LSAMP: variants seen among roughly 807,000 people sequenced by gnomAD.
LSAMP encodes the protein limbic system-associated membrane protein.
Under a neutral mutation model 38.6 loss-of-function variants are expected in LSAMP, and 7 were observed. That is an observed-to-expected ratio of 0.18 (90% CI 0.10 to 0.34). LSAMP has a LOEUF of 0.34. Among genes scored for constraint, LSAMP ranks in the 10% least tolerant of loss-of-function variants. The probability of loss-of-function intolerance (pLI) is 1.00; values close to 1 mark genes in which losing one functional copy is unlikely to be tolerated. For synonymous variants in LSAMP, 154 were observed against 166.8 expected, an observed-to-expected ratio of 0.92 and a Z score of 0.59; for missense variants, 313 against 420.0, an observed-to-expected ratio of 0.75 and a Z score of 2.23.
chr3:116,205,901 A>G lies in LSAMP; in HGVS notation c.156-119345T>C, dbSNP rs1411925174. On this transcript the variant is annotated intron_variant, in intron 1 of 6. Transcript: ENST00000490035. ...TGTCTCTGCCTGGCTTTGGTATCAG[A>G]ATGATGCTGGCCTCATAAAATGAGT... Among the ~76,000 whole-genome samples the G allele has an allele frequency of 2.1e-4, 29 of 137,448 alleles. No homozygotes were observed. The East Asian group carries it at 2.7e-3, about 13-fold the overall frequency. The allele number at this position is 137,448 out of a possible 152,430, so 90.2% of individuals were successfully genotyped here.
chr3:116,150,058 T>C (rs1384450701), intron 1 of LSAMP, among the ~76,000 whole-genome samples: 1 of 152,086 alleles, frequency 6.6e-6, no homozygotes, highest in Non-Finnish European at 1.5e-5. Flanking sequence ...TGGAACAGAA[T>C]GTACAAAGCT....
rs539198663 is a variant in LSAMP at position 116,287,784 on chromosome 3, A to C, written c.155+157093T>G. The stretch of plus-strand genomic sequence containing the variant: ...TCCAGTTTGATCATTTCATGCTCCA[A>C]TCATTAACCTCACAATGCAGATTTC... On this transcript the variant is annotated intron_variant, in intron 1 of 6. Transcript: ENST00000490035. 6.4e-4 allele frequency among the ~76,000 whole-genome samples: 98 copies of C among 152,286 alleles called. 1 individual carries two copies. Among genetic ancestry groups the C allele is most frequent in the South Asian group, 6.2e-4 (3 of 4,820 alleles).
intron 3 of LSAMP, among the ~76,000 whole-genome samples, chr3:116,005,457 C>T (rs1940129036): frequency 6.6e-6 from 1 of 152,178 alleles, no homozygotes; most frequent in African/African-American, 2.4e-5. Context: ...TTATGGGTTA[C>T]TCCTGCTGCC....
intron 3 of LSAMP, among the ~76,000 whole-genome samples, chr3:115,878,736 A>G (rs2107422456): frequency 6.6e-6 from 1 of 152,186 alleles, no homozygotes. Flanking sequence ...TGCTGGGATT[A>G]CAGGCGTGAG....
chr3:116,282,421 A>AGTCT (rs1159225583), intron 1 of LSAMP, among the ~76,000 whole-genome samples: 1 of 152,234 alleles, frequency 6.6e-6, no homozygotes, highest in Admixed American at 6.5e-5. Context: ...AACTGACATC[A>AGTCT]GTCTGTCATT....
rs953727485 is a variant in LSAMP at position 116,086,493 on chromosome 3, A to G, written c.219T>C (p.Ala73=). 1 of 1,614,174 alleles carries G rather than the reference A, an allele frequency of 6.2e-7. No homozygotes were observed. Among genetic ancestry groups the G allele is most frequent in the Non-Finnish European group, 8.5e-7 (1 of 1,180,026 alleles). The change falls in exon 2 of 7, where the codon GCT becomes GCC. Residue 73 remains alanine (A), a synonymous_variant. Transcript: ENST00000490035. ...GGTCCAGAGACCACTTGTCATGTCC[A>G]GCAAAAATGATGCCAGAACGGTTCA... is the stretch of plus-strand genomic sequence containing the variant. ...AWLNRSGIIF[A]GHDKWSLDPR...
intron 1 of LSAMP, among the ~76,000 whole-genome samples, chr3:116,343,226 AC>A (rs1358922482): frequency 6.6e-6 from 1 of 151,908 alleles, no homozygotes; most frequent in Non-Finnish European, 1.5e-5. Flanking sequence ...CTCAGGGGAA[AC>A]TTTAAAAAGT....
At chr3:116,005,705 A>G (rs1940138496) in intron 3 of LSAMP, among the ~76,000 whole-genome samples, 1 of 152,224 alleles carries the variant, frequency 6.6e-6, no homozygotes, top group Admixed American at 6.5e-5. Context: ...AGAAAGTTAT[A>G]GCTGCTCACA....
chr3:116,041,139 G>T (rs939874242), intron 2 of LSAMP, among the ~76,000 whole-genome samples: 15 of 152,048 alleles, frequency 9.9e-5, no homozygotes, highest in Middle Eastern at 3.2e-3. Context: ...GCCCAGCCTG[G>T]TCTCAAACTA....
At chr3:115,810,884 TC>T (rs1933805821) in intron 6 of LSAMP, among the ~76,000 whole-genome samples, 1 of 152,014 alleles carries the variant, frequency 6.6e-6, no homozygotes, top group Non-Finnish European at 1.5e-5. Context: ...ACTCCCTCTG[TC>T]CCCGGGGGGA....
chr3:116,397,483 CATA>C (rs1332795408), intron 1 of LSAMP, among the ~76,000 whole-genome samples: 1 of 148,736 alleles, frequency 6.7e-6, no homozygotes, highest in Non-Finnish European at 1.5e-5. Flanking sequence ...CACTATCTAA[CATA>C]ATATTTACTT....
intron 3 of LSAMP, among the ~76,000 whole-genome samples, chr3:115,897,487 C>T (rs1936758595): frequency 6.6e-6 from 1 of 151,896 alleles, no homozygotes; most frequent in African/African-American, 2.4e-5. Flanking sequence ...AAGTGGTAAA[C>T]CATAGTGTTC....
chr3:116,164,576 T>TATATATATATATATAATACAA (rs1553709392), intron 1 of LSAMP, among the ~76,000 whole-genome samples: 1 of 17,328 alleles, frequency 5.8e-5, no homozygotes, highest in African/African-American at 1.3e-4. Context: ...AATCCAAATA[T>TATATATATATATATAATACAA]ATATATATAT....
intron 2 of LSAMP, among the ~76,000 whole-genome samples, chr3:116,075,882 A>G (rs543515635): frequency 3.9e-5 from 6 of 152,216 alleles, no homozygotes; most frequent in African/African-American, 1.4e-4. Context: ...ATGTTTAGCC[A>G]AATTTGTTTT....
chr3:116,340,119 T>C (rs1489478108), intron 1 of LSAMP, among the ~76,000 whole-genome samples: 2 of 152,078 alleles, frequency 1.3e-5, no homozygotes, highest in Admixed American at 6.6e-5. Context: ...CAATTATCCC[T>C]ATCATTCTGT....
At chr3:115,873,596 A>G in intron 3 of LSAMP, among the ~76,000 whole-genome samples, 1 of 152,228 alleles carries the variant, frequency 6.6e-6, no homozygotes, top group Middle Eastern at 3.4e-3. Context: ...TTACAAAATA[A>G]TTAATCCTGT....
At chr3:116,205,819 G>C (rs2107599233) in intron 1 of LSAMP, among the ~76,000 whole-genome samples, 1 of 106,534 alleles carries the variant, frequency 9.4e-6, no homozygotes, top group East Asian at 2.8e-4. Flanking sequence ...ATTTTATTGA[G>C]GATTTTTGCA....
intron 1 of LSAMP, among the ~76,000 whole-genome samples, chr3:116,347,687 A>C (rs2048082231): frequency 6.6e-6 from 1 of 152,180 alleles, no homozygotes; most frequent in African/African-American, 2.4e-5. Flanking sequence ...AGCACAGGAA[A>C]AACCAAGAGG....
rs144240778 is a variant in LSAMP, at chr3:116,106,051, G to A, written c.156-19495C>T. On this transcript the variant is annotated intron_variant, in intron 1 of 6. Transcript: ENST00000490035. ...TGATGATTGGTGATGGCCTGGATAC[G>A]GTTTTGGATGAATTGAGAAACTAAA... 6.6e-3 allele frequency among the ~76,000 whole-genome samples: 998 copies of A among 152,156 alleles called. 10 individuals carry two copies. The highest frequency in any genetic ancestry group is 0.023 in the African/African-American group (943 of 41,510).
Sources: gnomAD v4.1 joint callset for allele counts (sites outside exome capture counted in the v4.1 genomes callset) on GRCh38, gnomAD v4.1.1 for gene constraint, MANE v1.5 for transcripts, NCBI Gene and HGNC (gene_info 2026-07-23, HGNC 2026-07-21) for gene names.